Variants in LRRC4C observed in about 807,000 individuals in gnomAD.
LRRC4C encodes the protein leucine-rich repeat-containing protein 4C.
A neutral mutation model predicts 33.6 loss-of-function variants in LRRC4C; 5 were observed. That is an observed-to-expected ratio of 0.15 (90% CI 0.08 to 0.31). LRRC4C has a LOEUF of 0.31. Among genes scored for constraint, LRRC4C ranks in the 10% least tolerant of loss-of-function variants. The pLI is 1.00. For synonymous variants in LRRC4C, 329 were observed against 302.0 expected, an observed-to-expected ratio of 1.09 and a Z score of -0.93; for missense variants, 560 against 796.7, an observed-to-expected ratio of 0.70 and a Z score of 3.58.
intron 3 of LRRC4C, among the ~76,000 whole-genome samples, chr11:40,495,861 G>T (rs1231598579): frequency 2.0e-5 from 2 of 101,946 alleles, no homozygotes; most frequent in African/African-American, 8.3e-5. Context: ...AGAGAGTCTC[G>T]CATTATCGCC....
chr11:40,356,864 T>C (rs1030080743), intron 3 of LRRC4C, among the ~76,000 whole-genome samples: 3 of 152,180 alleles, frequency 2.0e-5, no homozygotes, highest in Admixed American at 1.3e-4. Flanking sequence ...TTAAAATCAC[T>C]TGACATGAAT....
At chr11:40,310,291 G>A (rs1018429391) in intron 4 of LRRC4C, among the ~76,000 whole-genome samples, 3 of 152,154 alleles carry the variant, frequency 2.0e-5, no homozygotes, top group Non-Finnish European at 1.5e-5. Context: ...TGCTTTTGAG[G>A]TCCCTGAATT....
chr11:40,732,048 CA>C (rs35317696), intron 2 of LRRC4C, among the ~76,000 whole-genome samples: 56,892 of 145,512 alleles, frequency 0.39, 11,031 homozygotes, highest in African/African-American at 0.43. Flanking sequence ...TAGTAATATG[CA>C]AAAAAAAACC....
intron 1 of LRRC4C, among the ~76,000 whole-genome samples, chr11:41,441,485 C>A (rs898734083): frequency 6.7e-6 from 1 of 149,230 alleles, no homozygotes; most frequent in African/African-American, 2.5e-5. Flanking sequence ...ACTTTCAACG[C>A]TCTTTTTTTT....
At chr11:40,296,557 T>C (rs77242411) in intron 4 of LRRC4C, among the ~76,000 whole-genome samples, 5,785 of 152,296 alleles carry the variant, frequency 0.038, 231 homozygotes, top group Admixed American at 0.14. Context: ...ATTATCAGCA[T>C]GCAGGCTGTC....
At chr11:40,570,462 T>C (rs1038216388) in intron 3 of LRRC4C, among the ~76,000 whole-genome samples, 1 of 152,144 alleles carries the variant, frequency 6.6e-6, no homozygotes, top group African/African-American at 2.4e-5. Context: ...ACAGATACAC[T>C]ATGAGGACTG....
chr11:40,199,718 A>AT (rs1396350760), intron 5 of LRRC4C, among the ~76,000 whole-genome samples: 1 of 152,058 alleles, frequency 6.6e-6, no homozygotes, highest in South Asian at 2.1e-4. Context: ...CTGATTATAT[A>AT]TTTTTTTAAT....
At chr11:40,213,401 T>C (rs1028945299) in intron 5 of LRRC4C, among the ~76,000 whole-genome samples, 1 of 152,104 alleles carries the variant, frequency 6.6e-6, no homozygotes, top group African/African-American at 2.4e-5. Context: ...TATGTCACGC[T>C]GGACAAAATG....
chr11:40,318,114 C>G (rs191423999), intron 4 of LRRC4C, among the ~76,000 whole-genome samples: 4 of 152,170 alleles, frequency 2.6e-5, no homozygotes, highest in Admixed American at 2.6e-4. Context: ...TCACTATACT[C>G]GTCTATGCCA....
At chr11:41,102,275 C>T (rs533177574) in intron 1 of LRRC4C, among the ~76,000 whole-genome samples, 10 of 151,960 alleles carry the variant, frequency 6.6e-5, no homozygotes, top group African/African-American at 1.2e-4. Context: ...TGCATTTTAC[C>T]TTTCATGGGT....
chr11:41,269,453 G>T (rs1949253298), intron 1 of LRRC4C, among the ~76,000 whole-genome samples: 1 of 151,974 alleles, frequency 6.6e-6, no homozygotes, highest in African/African-American at 2.4e-5. Flanking sequence ...AGAGAGAAGG[G>T]ACCAGTTTAT....
intron 1 of LRRC4C, among the ~76,000 whole-genome samples, chr11:41,074,066 T>C (rs956135679): frequency 6.6e-6 from 1 of 152,188 alleles, no homozygotes; most frequent in Non-Finnish European, 1.5e-5. Context: ...GTTTAAAATA[T>C]TACTGAAATA....
chr11:40,140,876 A>C (rs1475329492), intron 5 of LRRC4C, 23 bp from the exon 6 acceptor site: 1 of 152,052 alleles, frequency 6.6e-6, no homozygotes, highest in Non-Finnish European at 1.5e-5. Context: ...AAAAAAGAAA[A>C]GAAAAGAAAA....
At chr11:40,358,701 T>C (rs570739161) in intron 3 of LRRC4C, among the ~76,000 whole-genome samples, 4 of 152,266 alleles carry the variant, frequency 2.6e-5, no homozygotes, top group Admixed American at 1.3e-4. Flanking sequence ...TTTTCCAAAA[T>C]GTGTGTGCAC....
At chr11:41,287,748 G>A (rs1031359088) in intron 1 of LRRC4C, among the ~76,000 whole-genome samples, 6 of 152,194 alleles carry the variant, frequency 3.9e-5, no homozygotes, top group African/African-American at 7.2e-5. Context: ...TTAAACCTTG[G>A]CCTAATATTT....
intron 1 of LRRC4C, among the ~76,000 whole-genome samples, chr11:40,990,167 A>G (rs1387224839): frequency 1.4e-5 from 2 of 147,830 alleles, no homozygotes; most frequent in Non-Finnish European, 3.0e-5. Context: ...TTACAGTACT[A>G]CAACTGGACC....
At chr11:40,210,269 A>C (rs893901270) in intron 5 of LRRC4C, among the ~76,000 whole-genome samples, 7 of 151,780 alleles carry the variant, frequency 4.6e-5, no homozygotes, top group African/African-American at 1.7e-4. Context: ...AAAACAAAAA[A>C]CAAAAACCAA....
chr11:40,970,021 A>G (rs1213162116), intron 1 of LRRC4C, among the ~76,000 whole-genome samples: 1 of 152,128 alleles, frequency 6.6e-6, no homozygotes, highest in Non-Finnish European at 1.5e-5. Flanking sequence ...GTATCATAAG[A>G]ACATGCCAAT....
chr11:41,228,141 T>C (rs1947625747), intron 1 of LRRC4C, among the ~76,000 whole-genome samples: 2 of 152,146 alleles, frequency 1.3e-5, no homozygotes, highest in Non-Finnish European at 2.9e-5. Flanking sequence ...TCTTTCTATC[T>C]ATGTTATTTT....
Sources: gnomAD v4.1 joint callset for allele counts (sites outside exome capture counted in the v4.1 genomes callset) on GRCh38, gnomAD v4.1.1 for gene constraint, MANE v1.5 for transcripts, NCBI Gene and HGNC (gene_info 2026-07-23, HGNC 2026-07-21) for gene names.